Variants in DOK6 observed in about 807,000 individuals in gnomAD.
DOK6 encodes the protein downstream of tyrosine kinase 6.
A neutral mutation model predicts 44.0 loss-of-function variants in DOK6; 22 were observed. The ratio of observed to expected loss-of-function variants is 0.50; its 90% CI spans 0.36 to 0.71. DOK6 has a LOEUF of 0.71. Among genes scored for constraint, DOK6 ranks in the 30% least tolerant of loss-of-function variants. DOK6 has a pLI of 0.00. For synonymous variants in DOK6, 166 were observed against 145.5 expected (o/e 1.14, Z -1.01); for missense variants, 340 against 416.4 (o/e 0.82, Z 1.60).
chr18:69,806,081 G>A (rs755001429), intron 7 of DOK6, among the ~76,000 whole-genome samples: 5 of 151,886 alleles, frequency 3.3e-5, no homozygotes, highest in Non-Finnish European at 7.4e-5. Context: ...GTTTTAAACC[G>A]AAATTTTTAT....
intron 5 of DOK6, among the ~76,000 whole-genome samples, chr18:69,733,966 G>T (rs939146056): frequency 5.9e-5 from 9 of 152,032 alleles, no homozygotes; most frequent in African/African-American, 1.7e-4. Flanking sequence ...GATATCAAAA[G>T]ATATTTTCAC....
rs1252555983 is a variant in DOK6 at position 69,848,572 on chromosome 18, T to C, written c.*7189T>C. 3 of 152,214 alleles carry C rather than the reference T, an allele frequency of 2.0e-5. No homozygotes were observed. The highest frequency in any genetic ancestry group is 2.1e-4 in the South Asian group (1 of 4,834). The allele number at this position is 152,214 out of a possible 1,614,324, so 9.4% of individuals were successfully genotyped here. A position where few individuals can be genotyped will look rare whatever the true frequency, so the allele number is the denominator to read the frequency against. On this transcript the variant is annotated 3_prime_UTR_variant, in exon 8 of 8. Coordinates refer to ENST00000382713, the MANE Select transcript of DOK6 (RefSeq NM_152721.6). The stretch of plus-strand genomic sequence containing the variant: ...AGAAAATATTATAATAATGAGGCAA[T>C]AATAAAATTAGGAAATTAAATTATT...
intron 1 of DOK6, among the ~76,000 whole-genome samples, chr18:69,516,741 T>G (rs960345567): frequency 2.0e-5 from 3 of 152,032 alleles, no homozygotes; most frequent in Non-Finnish European, 4.4e-5. Flanking sequence ...AGTGGCACGA[T>G]CTTGGCTCAT....
chr18:69,829,527 T>G (rs1303305357), intron 7 of DOK6, among the ~76,000 whole-genome samples: 1 of 152,098 alleles, frequency 6.6e-6, no homozygotes, highest in Non-Finnish European at 1.5e-5. Context: ...CCAAGTAGTC[T>G]TCTTTTAGAG....
At chr18:69,669,306 A>G (rs1432644585) in intron 3 of DOK6, among the ~76,000 whole-genome samples, 2 of 152,032 alleles carry the variant, frequency 1.3e-5, no homozygotes, top group Non-Finnish European at 2.9e-5. Flanking sequence ...TTCAGTGTCC[A>G]TGTGTACTTC....
intron 5 of DOK6, among the ~76,000 whole-genome samples, chr18:69,723,251 T>C (rs1978291936): frequency 2.0e-5 from 3 of 152,234 alleles, no homozygotes; most frequent in African/African-American, 7.2e-5. Context: ...AAGGCAACAT[T>C]ACTGGAGCTA....
chr18:69,489,093 G>A (rs1980665512), intron 1 of DOK6, among the ~76,000 whole-genome samples: 1 of 152,120 alleles, frequency 6.6e-6, no homozygotes, highest in Non-Finnish European at 1.5e-5. Flanking sequence ...AAGAACCACG[G>A]CTGAACTCAG....
At chr18:69,527,733 C>T (rs1981870565) in intron 1 of DOK6, among the ~76,000 whole-genome samples, 1 of 152,178 alleles carries the variant, frequency 6.6e-6, no homozygotes, top group Non-Finnish European at 1.5e-5. Context: ...TTAGAAAAGG[C>T]AAATGCTGAG....
intron 1 of DOK6, among the ~76,000 whole-genome samples, chr18:69,507,024 T>G (rs565829226): frequency 3.3e-5 from 5 of 152,162 alleles, no homozygotes; most frequent in Admixed American, 2.0e-4. Flanking sequence ...GGTTTTTGTG[T>G]TTTTTTGTTG....
intron 3 of DOK6, among the ~76,000 whole-genome samples, chr18:69,625,859 T>C (rs1010926530): frequency 6.6e-6 from 1 of 152,192 alleles, no homozygotes; most frequent in African/African-American, 2.4e-5. Context: ...AATGCATAAA[T>C]ATTATCTCAG....
At chr18:69,521,343 TAAAG>T (rs1981679055) in intron 1 of DOK6, among the ~76,000 whole-genome samples, 1 of 151,474 alleles carries the variant, frequency 6.6e-6, no homozygotes, top group Admixed American at 6.6e-5. Flanking sequence ...TTGAGGAGAA[TAAAG>T]AACCAATCAA....
rs765061446 is a variant in DOK6 at position 69,845,008 on chromosome 18, T to C, written c.*3625T>C. ...GTTTCTACAGATCCAGTTTATTGCA[T>C]GTCGTATCTTTATTGTAGATATTAA... On this transcript the variant is annotated 3_prime_UTR_variant, in exon 8 of 8. Transcript: ENST00000382713. The C allele has an allele frequency of 1.3e-5, 2 of 152,204 alleles. No homozygotes were observed. Among genetic ancestry groups the C allele is most frequent in the African/African-American group, 4.8e-5 (2 of 41,452 alleles). 9.4% of individuals were successfully genotyped at this position (152,204 alleles called of 1,614,324 possible).
chr18:69,782,717 T>C (rs1442693461), intron 7 of DOK6, among the ~76,000 whole-genome samples: 1 of 152,030 alleles, frequency 6.6e-6, no homozygotes, highest in African/African-American at 2.4e-5. Context: ...TGAGCTGAGA[T>C]CGCACCACTG....
At chr18:69,659,086 C>T (rs1568324904) in intron 3 of DOK6, among the ~76,000 whole-genome samples, 1 of 152,186 alleles carries the variant, frequency 6.6e-6, no homozygotes, top group Non-Finnish European at 1.5e-5. Context: ...ACAATATAAA[C>T]ATTTAATCAT....
intron 1 of DOK6, among the ~76,000 whole-genome samples, chr18:69,466,174 C>T (rs905429002): frequency 7.2e-5 from 11 of 152,136 alleles, no homozygotes; most frequent in African/African-American, 1.4e-4. Context: ...ATTCCTCCGC[C>T]CCTCCCTCCA....
At chr18:69,403,843 T>C (rs1297885346) in intron 1 of DOK6, among the ~76,000 whole-genome samples, 2 of 152,222 alleles carry the variant, frequency 1.3e-5, no homozygotes, top group Non-Finnish European at 2.9e-5. Context: ...ATTGAAGTTA[T>C]CCAAACATTA....
chr18:69,639,196 T>C (rs1413279721), intron 3 of DOK6, among the ~76,000 whole-genome samples: 1 of 152,198 alleles, frequency 6.6e-6, no homozygotes, highest in Non-Finnish European at 1.5e-5. Context: ...ATCGCTCCAG[T>C]GATCCCTGAT....
chr18:69,444,795 A>G (rs1199852649), intron 1 of DOK6, among the ~76,000 whole-genome samples: 1 of 151,904 alleles, frequency 6.6e-6, no homozygotes, highest in Non-Finnish European at 1.5e-5. Context: ...GAGAAATATG[A>G]GTCCTCCAAG....
intron 3 of DOK6, among the ~76,000 whole-genome samples, chr18:69,635,192 C>CCCGT (rs1984775449): frequency 1.3e-5 from 2 of 152,104 alleles, no homozygotes; most frequent in Non-Finnish European, 2.9e-5. Context: ...TATGCATGGA[C>CCCGT]AACTAGAAAG....
Sources: gnomAD v4.1 joint callset for allele counts (sites outside exome capture counted in the v4.1 genomes callset) on GRCh38, gnomAD v4.1.1 for gene constraint, MANE v1.5 for transcripts, NCBI Gene and HGNC (gene_info 2026-07-23, HGNC 2026-07-21) for gene names.